Variants in NUDT3 observed in about 807,000 individuals in gnomAD.
The protein encoded by NUDT3 is nudix hydrolase 3.
NUDT3 carries 9 observed loss-of-function variants against 23.6 expected under a neutral mutation model. The observed-to-expected ratio is 0.38, with a 90% CI of 0.23 to 0.66. The LOEUF is 0.66. NUDT3 is among the 30% of genes least tolerant of loss of function. The pLI is 0.52. For missense variants in NUDT3, 172 were observed against 218.5 expected, an observed-to-expected ratio of 0.79 and a Z score of 1.34; for synonymous variants, 86 against 82.6, an observed-to-expected ratio of 1.04 and a Z score of -0.22.
intron 1 of NUDT3, among the ~76,000 whole-genome samples, chr6:34,374,658 T>G (rs1764892509): frequency 6.6e-6 from 1 of 152,164 alleles, no homozygotes. Context: ...TGTCTACTCC[T>G]CCATTTCTAA....
At chr6:34,356,724 T>C (rs563139616) in intron 1 of NUDT3, among the ~76,000 whole-genome samples, 5 of 152,222 alleles carry the variant, frequency 3.3e-5, no homozygotes, top group South Asian at 4.1e-4. Flanking sequence ...AAATCAATCA[T>C]TTATTTTGTG....
chr6:34,304,356 G>C (rs577666016), intron 2 of NUDT3, among the ~76,000 whole-genome samples: 1 of 151,766 alleles, frequency 6.6e-6, no homozygotes, highest in South Asian at 2.1e-4. Flanking sequence ...TGTGAGCCCA[G>C]GAGTTCAAGA....
intron 1 of NUDT3, among the ~76,000 whole-genome samples, chr6:34,346,570 G>C (rs772259650): frequency 1.7e-4 from 26 of 152,148 alleles, no homozygotes; most frequent in Non-Finnish European, 2.8e-4. Context: ...AATCTAGCAA[G>C]TGTTATTGCT....
chr6:34,349,862 G>A (rs754593156), intron 1 of NUDT3, among the ~76,000 whole-genome samples: 1 of 150,670 alleles, frequency 6.6e-6, no homozygotes, highest in East Asian at 1.9e-4. Context: ...AGGCTGAGGC[G>A]GGCGGATCAC....
intron 2 of NUDT3, among the ~76,000 whole-genome samples, chr6:34,337,275 G>T (rs554784170): frequency 6.6e-6 from 1 of 152,246 alleles, no homozygotes; most frequent in South Asian, 2.1e-4. Flanking sequence ...AGTCAGGAAG[G>T]ATTCTTTAAG....
At chr6:34,296,576 A>AATACATAC (rs568380239) in intron 2 of NUDT3, among the ~76,000 whole-genome samples, 1 of 152,100 alleles carries the variant, frequency 6.6e-6, no homozygotes, top group Non-Finnish European at 1.5e-5. Context: ...CCTGTCGGTA[A>AATACATAC]ATACATACAT....
At chr6:34,389,054 GC>G (rs1765153531) in intron 1 of NUDT3, among the ~76,000 whole-genome samples, 1 of 152,166 alleles carries the variant, frequency 6.6e-6, no homozygotes, top group Non-Finnish European at 1.5e-5. Flanking sequence ...GATCTCTTGA[GC>G]CCAGGAGTTT....
chr6:34,331,759 G>T (rs1003484580), intron 2 of NUDT3, among the ~76,000 whole-genome samples: 1 of 152,164 alleles, frequency 6.6e-6, no homozygotes, highest in African/African-American at 2.4e-5. Flanking sequence ...AACACGTACC[G>T]ACTTTGTTCC....
Position 34,374,156 on chromosome 6 carries a change from C to CAAAAAAAA in NUDT3, c.99+18100_99+18107dup, listed in dbSNP as rs397888346. Among the ~76,000 whole-genome samples, 7 of 64,716 alleles carry CAAAAAAAA rather than the reference C, an allele frequency of 1.1e-4. No individual in the cohort carries two copies. The East Asian group carries it at 1.3e-3, about 12-fold the overall frequency. The allele number at this position is 64,716 out of a possible 152,430, so 42.5% of individuals were successfully genotyped here. A position where few individuals can be genotyped will look rare whatever the true frequency, so the allele number is the denominator to read the frequency against. On this transcript the variant is annotated intron_variant, in intron 1 of 4. Transcript: ENST00000607016. ...TGGGCGACAGAACAAGGCTCCCTCTCAAAAAAAAAAAAAAAAAAAAAAAAA... is the reference window on the plus strand; with the variant it reads ...TGGGCGACAGAACAAGGCTCCCTCTCAAAAAAAAAAAAAAAAAAAAAAAAAAAAAAAAA...
chr6:34,344,584 G>C (rs2113736892), intron 1 of NUDT3, among the ~76,000 whole-genome samples: 1 of 152,280 alleles, frequency 6.6e-6, no homozygotes, highest in Non-Finnish European at 1.5e-5. Flanking sequence ...CAGGCACAGG[G>C]TTTTATTTGG....
chr6:34,314,052 G>T (rs1221665078), intron 2 of NUDT3, among the ~76,000 whole-genome samples: 1 of 151,258 alleles, frequency 6.6e-6, no homozygotes, highest in Non-Finnish European at 1.5e-5. Context: ...AGCCAAGATT[G>T]CACCATTGCA....
intron 2 of NUDT3, among the ~76,000 whole-genome samples, chr6:34,297,760 A>ATATATATT (rs1763535832): frequency 5.6e-5 from 3 of 53,650 alleles, no homozygotes; most frequent in African/African-American, 1.1e-4. Flanking sequence ...TATATATATA[A>ATATATATT]TTTTTTTTTT....
chr6:34,282,449 T>C lies in NUDT3; in HGVS notation c.*6304A>G, dbSNP rs1446874283. ...ATGGCCCAGCATTGGCATTGAGGCA[T>C]CTTGCTTTTTTTCCTCAGAATTCCA... On this transcript the variant is annotated 3_prime_UTR_variant, in exon 5 of 5. Coordinates refer to ENST00000607016, the MANE Select transcript of NUDT3 (RefSeq NM_006703.4). 6.6e-6 allele frequency: 1 copy of C among 152,172 alleles called. No individual in the cohort carries two copies. Among genetic ancestry groups the C allele is most frequent in the East Asian group, 1.9e-4 (1 of 5,192 alleles). 9.4% of individuals were successfully genotyped at this position (152,172 alleles called of 1,614,324 possible).
chr6:34,376,382 G>A (rs1049745078), intron 1 of NUDT3, among the ~76,000 whole-genome samples: 3 of 152,046 alleles, frequency 2.0e-5, no homozygotes, highest in African/African-American at 2.4e-5. Flanking sequence ...AGGCTCAAGT[G>A]ATCCTCCCAC....
intron 1 of NUDT3, among the ~76,000 whole-genome samples, chr6:34,379,737 A>G (rs1042782593): frequency 6.6e-6 from 1 of 151,056 alleles, no homozygotes; most frequent in Non-Finnish European, 1.5e-5. Context: ...AATCTAGGCC[A>G]GGCGCGGTGG....
At chr6:34,302,979 A>T (rs558381060) in intron 2 of NUDT3, among the ~76,000 whole-genome samples, 1 of 152,292 alleles carries the variant, frequency 6.6e-6, no homozygotes, top group East Asian at 1.9e-4. Context: ...TTATCTTAAT[A>T]CTTGGAATAC....
At chr6:34,375,938 T>A (rs1764915474) in intron 1 of NUDT3, among the ~76,000 whole-genome samples, 1 of 152,134 alleles carries the variant, frequency 6.6e-6, no homozygotes, top group South Asian at 2.1e-4. Flanking sequence ...TCGAGTGCCA[T>A]GATGCCCCAA....
chr6:34,363,393 T>C (rs979691738), intron 1 of NUDT3, among the ~76,000 whole-genome samples: 2 of 152,094 alleles, frequency 1.3e-5, no homozygotes, highest in Non-Finnish European at 2.9e-5. Context: ...AAACGGCAAA[T>C]AACCAAAGGT....
rs1430612373 is a variant in NUDT3 at position 34,370,315 on chromosome 6, T to C, written c.99+21949A>G. Reference sequence around the variant, plus strand: ...CAGCTACTGGAGTTGGTCTGACCACTTGATGCCATCAAGGCCCAGACTCTG... The same window carrying C: ...CAGCTACTGGAGTTGGTCTGACCACCTGATGCCATCAAGGCCCAGACTCTG... On this transcript the variant is annotated intron_variant, in intron 1 of 4. Transcript: ENST00000607016. Among the ~76,000 whole-genome samples the C allele has an allele frequency of 4.6e-5, 7 of 152,248 alleles. No individual in the cohort carries two copies. In the East Asian group the frequency reaches 1.2e-3, roughly 25 times the overall value.
Sources: allele counts gnomAD v4.1 joint callset (sites outside exome capture counted in the v4.1 genomes callset), GRCh38; gene constraint gnomAD v4.1.1; transcripts MANE v1.5; gene names NCBI Gene and HGNC (gene_info 2026-07-23, HGNC 2026-07-21).